The following CEP128 variants were observed in gnomAD, a reference collection of about 807,000 sequenced individuals.
The protein encoded by CEP128 is centrosomal protein 128, also known as centrosomal protein 128kDa.
In CEP128, 132 loss-of-function variants were observed where a neutral mutation model predicts 156.7. The ratio of observed to expected loss-of-function variants is 0.84; its 90% CI spans 0.73 to 0.97. CEP128 has a LOEUF of 0.97. Among genes scored for constraint, CEP128 ranks in the 50% least tolerant of loss-of-function variants. The probability of loss-of-function intolerance (pLI) is 0.00; values close to 1 mark genes in which losing one functional copy is unlikely to be tolerated. For synonymous variants in CEP128, 469 were observed against 448.9 expected (o/e 1.04, Z -0.57); for missense variants, 1,252 against 1,281.9 (o/e 0.98, Z 0.36).
chr14:80,904,691 TAA>T lies in CEP128; in HGVS notation c.480+120_480+121del, dbSNP rs1389380326. The stretch of plus-strand genomic sequence containing the variant: ...TTGGTTCCAAAAAAAGGGATCAGTA[TAA>T]AGTTACTAATGATCAAATTCTTGGT... On this transcript the variant is annotated intron_variant, in intron 6 of 24. Coordinates refer to ENST00000555265, the MANE Select transcript of CEP128 (RefSeq NM_152446.5). 5.9e-6 allele frequency: 4 copies of T among 678,850 alleles called. No homozygotes were observed. The African/African-American group carries it at 7.2e-5, about 12-fold the overall frequency. The allele number at this position is 678,850 out of a possible 1,614,324, so 42.1% of individuals were successfully genotyped here.
chr14:80,774,166 C>T (rs920994692), intron 16 of CEP128, among the ~76,000 whole-genome samples: 1 of 152,142 alleles, frequency 6.6e-6, no homozygotes, highest in African/African-American at 2.4e-5. Context: ...ATTAATGCTA[C>T]CACTGATGCT....
At chr14:80,904,714 T>G (rs369699781) in intron 6 of CEP128, 99 bp downstream of exon 6, 1 of 743,186 alleles carries the variant, frequency 1.3e-6, no homozygotes, top group African/African-American at 1.7e-5. Flanking sequence ...GATCAAATTC[T>G]TGGTTAAAAT....
chr14:80,577,801 T>C (rs984335638), intron 20 of CEP128, among the ~76,000 whole-genome samples: 2 of 152,218 alleles, frequency 1.3e-5, no homozygotes, highest in Non-Finnish European at 2.9e-5. Context: ...ACGAGGTCCT[T>C]TAGATCTCTG....
Position 80,793,100 on chromosome 14 carries a change from C to A in CEP128, c.1220G>T (p.Arg407Leu), listed in dbSNP as rs779284511. The A allele has an allele frequency of 6.2e-7, 1 of 1,608,772 alleles. No homozygotes were observed. The highest frequency in any genetic ancestry group is 1.3e-5 in the African/African-American group (1 of 74,820). ...CTGTTTTTCCCCATTCTCCAGTTCA[C>A]GTGTTAAATTCTACGAATAAAGCAT... ...HLASQVENLT[R>L]ELENGEKQQL... The change falls in exon 14 of 25, where the codon CGT becomes CTT. Residue 407 changes from arginine to leucine, a missense_variant. Arg to Leu is a moderately radical substitution (Grantham distance 102). Coordinates refer to ENST00000555265, the MANE Select transcript of CEP128 (RefSeq NM_152446.5).
intron 20 of CEP128, among the ~76,000 whole-genome samples, chr14:80,563,647 TCTCAGGCTCCCGA>T (rs1566782574): frequency 6.6e-6 from 1 of 150,716 alleles, no homozygotes; most frequent in African/African-American, 2.4e-5. Context: ...GATTCTCCTG[TCTCAGGCTCCCGA>T]GTAGCTGGGA....
At chr14:80,802,899 C>G (rs1269060419) in intron 13 of CEP128, among the ~76,000 whole-genome samples, 1 of 151,958 alleles carries the variant, frequency 6.6e-6, no homozygotes, top group Non-Finnish European at 1.5e-5. Context: ...CTTTTAGAAC[C>G]AATTCTTTTC....
chr14:80,796,968 G>A (rs1417760891), intron 13 of CEP128, among the ~76,000 whole-genome samples: 1 of 152,186 alleles, frequency 6.6e-6, no homozygotes, highest in African/African-American at 2.4e-5. Context: ...GCTGAATTGT[G>A]TATTTTAATA....
chr14:80,847,382 C>G (rs929059766), intron 9 of CEP128, among the ~76,000 whole-genome samples: 3 of 152,080 alleles, frequency 2.0e-5, no homozygotes, highest in Non-Finnish European at 4.4e-5. Flanking sequence ...GGTTCTCTCA[C>G]AGTCTTATAG....
At chr14:80,659,510 T>C (rs1218464893) in intron 19 of CEP128, among the ~76,000 whole-genome samples, 1 of 152,164 alleles carries the variant, frequency 6.6e-6, no homozygotes, top group Non-Finnish European at 1.5e-5. Context: ...AATGCCATCA[T>C]TTATGGCTTT....
At chr14:80,703,901 A>T (rs1381361584) in intron 19 of CEP128, among the ~76,000 whole-genome samples, 1 of 152,102 alleles carries the variant, frequency 6.6e-6, no homozygotes, top group African/African-American at 2.4e-5. Context: ...AAGATCCCTC[A>T]TCCAACTAAT....
At chr14:80,703,326 T>C (rs1341608377) in intron 19 of CEP128, among the ~76,000 whole-genome samples, 2 of 152,114 alleles carry the variant, frequency 1.3e-5, no homozygotes, top group Admixed American at 1.3e-4. Context: ...TCCATCAGAC[T>C]GCATTATCTT....
chr14:80,602,982 C>T (rs1334023584), intron 19 of CEP128, among the ~76,000 whole-genome samples: 1 of 152,008 alleles, frequency 6.6e-6, no homozygotes, highest in African/African-American at 2.4e-5. Context: ...AAAATGAAAA[C>T]AAAAACACGA....
chr14:80,795,955 TA>T (rs1438913551), intron 13 of CEP128, among the ~76,000 whole-genome samples: 1 of 152,154 alleles, frequency 6.6e-6, no homozygotes, highest in African/African-American at 2.4e-5. Flanking sequence ...GTAAAGATTT[TA>T]AAAAATAAAG....
chr14:80,550,466 TA>T lies in CEP128; in HGVS notation c.2880+8812del, dbSNP rs1361495423. On this transcript the variant is annotated intron_variant, in intron 21 of 24. Transcript: ENST00000555265. ...ATAAAACTCATTCATATAAATAATA[TA>T]AACTTATCCAGTAAACTTTAAATAA... 7.9e-5 allele frequency among the ~76,000 whole-genome samples: 12 copies of T among 152,214 alleles called. No homozygotes were observed. The East Asian group carries it at 2.1e-3, about 27-fold the overall frequency.
intron 23 of CEP128, among the ~76,000 whole-genome samples, chr14:80,508,301 A>T (rs1594926526): frequency 6.6e-6 from 1 of 152,376 alleles, no homozygotes; most frequent in East Asian, 1.9e-4. Context: ...TAGCAAATTT[A>T]AAAACTATGG....
chr14:80,953,792 G>A (rs1443316114), intron 2 of CEP128, among the ~76,000 whole-genome samples: 2 of 152,094 alleles, frequency 1.3e-5, no homozygotes, highest in African/African-American at 4.8e-5. Context: ...CCTACCCTAG[G>A]CCTTTGCAAC....
intron 12 of CEP128, among the ~76,000 whole-genome samples, chr14:80,831,868 A>G (rs546130239): frequency 2.0e-5 from 3 of 152,322 alleles, no homozygotes; most frequent in South Asian, 4.2e-4. Flanking sequence ...TTCTTCTAAT[A>G]TAAGGACAAA....
At chr14:80,671,706 C>T (rs917065553) in intron 19 of CEP128, among the ~76,000 whole-genome samples, 1 of 152,104 alleles carries the variant, frequency 6.6e-6, no homozygotes, top group African/African-American at 2.4e-5. Flanking sequence ...ACTCTTTTTG[C>T]AAGCTGGGTA....
At chr14:80,950,926 C>G (rs964945838) in intron 2 of CEP128, among the ~76,000 whole-genome samples, 4 of 124,282 alleles carry the variant, frequency 3.2e-5, no homozygotes, top group Non-Finnish European at 5.2e-5. Context: ...AAAAAAAAAG[C>G]AGATTATAAA....
Sources: allele counts gnomAD v4.1 joint callset (sites outside exome capture counted in the v4.1 genomes callset), GRCh38; gene constraint gnomAD v4.1.1; transcripts MANE v1.5; gene names NCBI Gene and HGNC (gene_info 2026-07-23, HGNC 2026-07-21).